SEPTIN7: variants seen among roughly 807,000 people sequenced by gnomAD.
SEPTIN7 encodes the protein septin-7.
In SEPTIN7, 10 loss-of-function variants were observed where a neutral mutation model predicts 63.3. That is an observed-to-expected ratio of 0.16 (90% CI 0.10 to 0.27). The LOEUF is 0.27. SEPTIN7 is among the 10% of genes least tolerant of loss of function. The pLI, the probability that SEPTIN7 is intolerant of heterozygous loss-of-function variation, is 1.00. For synonymous variants in SEPTIN7, 131 were observed against 165.3 expected, an observed-to-expected ratio of 0.79 and a Z score of 1.59; for missense variants, 310 against 521.0, an observed-to-expected ratio of 0.59 and a Z score of 3.94.
intron 12 of SEPTIN7, chr7:35,902,860 T>A: frequency 1.9e-6 from 1 of 534,524 alleles, no homozygotes; most frequent in Non-Finnish European, 2.9e-6. Flanking sequence ...TTTTCCTGTT[T>A]CCCAAGATTA....
At chr7:35,872,489 C>A (rs1465536389) in intron 4 of SEPTIN7, among the ~76,000 whole-genome samples, 177 bp from the exon 5 acceptor site, 1 of 152,134 alleles carries the variant, frequency 6.6e-6, no homozygotes, top group Non-Finnish European at 1.5e-5. Context: ...TTCAAATAAT[C>A]TGGATTTCCA....
chr7:35,855,955 T>C (rs1198970052), intron 3 of SEPTIN7, among the ~76,000 whole-genome samples: 1 of 152,220 alleles, frequency 6.6e-6, no homozygotes, highest in Non-Finnish European at 1.5e-5. Flanking sequence ...TGCTGTTGTT[T>C]CCAAGTTTTT....
chr7:35,900,056 T>C (rs1443843991), intron 12 of SEPTIN7: 1 of 152,214 alleles, frequency 6.6e-6, no homozygotes, highest in Non-Finnish European at 1.5e-5. Context: ...GTTGATCTCA[T>C]TGCTTTTGTA....
At chr7:35,837,254 A>G (rs1784126143) in intron 3 of SEPTIN7, among the ~76,000 whole-genome samples, 1 of 152,188 alleles carries the variant, frequency 6.6e-6, no homozygotes, top group Admixed American at 6.5e-5. Flanking sequence ...AGGAACATTT[A>G]GTATTCTTAT....
intron 12 of SEPTIN7, chr7:35,900,781 T>C (rs1788277847): frequency 6.6e-6 from 1 of 152,204 alleles, no homozygotes; most frequent in South Asian, 2.1e-4. Context: ...TTACTGTGAA[T>C]GGTGAAGACA....
intron 3 of SEPTIN7, among the ~76,000 whole-genome samples, chr7:35,847,588 T>A (rs1278505171): frequency 6.6e-6 from 1 of 152,254 alleles, no homozygotes; most frequent in Non-Finnish European, 1.5e-5. Context: ...ATTTTGTACT[T>A]GCAACTTTTT....
chr7:35,909,272 C>G (rs543858922), downstream of SEPTIN7, among the ~76,000 whole-genome samples: 3 of 152,296 alleles, frequency 2.0e-5, no homozygotes, highest in East Asian at 5.8e-4. Flanking sequence ...TTCCTTAGAC[C>G]TTTTTATTGC....
rs374324182 is a variant in SEPTIN7, at chr7:35,879,278, A to G, written c.513-545A>G. On this transcript the variant is annotated intron_variant, in intron 6 of 13. Coordinates refer to ENST00000350320, the MANE Select transcript of SEPTIN7 (RefSeq NM_001788.6). ...GAGGACTACCATTTTTCATTTTTAA[A>G]AAATCCTCCAGCCTGGGCAACCTGG... is the stretch of plus-strand genomic sequence containing the variant. Among the ~76,000 whole-genome samples the G allele has an allele frequency of 1.1e-4, 16 of 152,184 alleles. No individual in the cohort carries two copies. The South Asian group carries it at 2.9e-3, about 28-fold the overall frequency.
chr7:35,880,223 C>CTTTTTTTTTTTTTTTTTTTTTTTTTTTTT, intron 7 of SEPTIN7, among the ~76,000 whole-genome samples: 43 of 72,782 alleles, frequency 5.9e-4, no homozygotes, highest in African/African-American at 1.3e-3. Context: ...TTTTTCTTTT[C>CTTTTTTTTTTTTTTTTTTTTTTTTTTTTT]TTTTTTTTTT....
At chr7:35,834,660 G>T (rs75144675) in intron 3 of SEPTIN7, among the ~76,000 whole-genome samples, 1,952 of 152,050 alleles carry the variant, frequency 0.013, 58 homozygotes, top group East Asian at 0.12. Flanking sequence ...TTGAGTGCAG[G>T]TATTAAATAT....
At chr7:35,883,553 T>C (rs1787031116) in intron 8 of SEPTIN7, among the ~76,000 whole-genome samples, 1 of 147,836 alleles carries the variant, frequency 6.8e-6, no homozygotes, top group African/African-American at 2.5e-5. Flanking sequence ...CCGCTTTTTT[T>C]CCCCCAAATG....
intron 3 of SEPTIN7, among the ~76,000 whole-genome samples, chr7:35,854,588 T>C (rs1785108299): frequency 1.3e-5 from 2 of 152,338 alleles, no homozygotes; most frequent in South Asian, 2.1e-4. Context: ...GGAGCTGTAG[T>C]TGCCAGCATC....
intron 3 of SEPTIN7, among the ~76,000 whole-genome samples, chr7:35,833,454 A>T (rs926044992): frequency 1.3e-5 from 2 of 151,984 alleles, no homozygotes; most frequent in African/African-American, 4.8e-5. Context: ...TACCCTGCCT[A>T]TAGTCCATTT....
chr7:35,898,113 G>A (rs1348792088), intron 11 of SEPTIN7, 135 bp from the exon 12 acceptor site: 1 of 574,732 alleles, frequency 1.7e-6, no homozygotes, highest in African/African-American at 1.9e-5. Context: ...TATGAAATAT[G>A]GAAAGAAGTT....
chr7:35,846,474 A>G (rs1784672332), intron 3 of SEPTIN7, among the ~76,000 whole-genome samples: 1 of 152,194 alleles, frequency 6.6e-6, no homozygotes, highest in Non-Finnish European at 1.5e-5. Flanking sequence ...TATGTGTCTC[A>G]TCCTTGCCAA....
chr7:35,890,831 C>T (rs1158432061), intron 11 of SEPTIN7, 38 bp downstream of exon 11: 4 of 1,411,964 alleles, frequency 2.8e-6, no homozygotes, highest in Non-Finnish European at 3.7e-6. Context: ...GGTATTATTT[C>T]TGTAGTCAAT....
At chr7:35,915,521 G>A in the SEPTIN7 span, among the ~76,000 whole-genome samples, 1 of 152,150 alleles carries the variant, frequency 6.6e-6, no homozygotes, top group Non-Finnish European at 1.5e-5. Context: ...CTCTGTTAAT[G>A]TTACGAAATT....
At chr7:35,801,914 C>T (rs1432139974) in intron 1 of SEPTIN7, among the ~76,000 whole-genome samples, 3 of 152,290 alleles carry the variant, frequency 2.0e-5, no homozygotes, top group African/African-American at 7.2e-5. Context: ...CTCGGGGTTG[C>T]CTCTCTCCAG....
At chr7:35,814,976 A>C (rs533291003) in intron 1 of SEPTIN7, among the ~76,000 whole-genome samples, 32 of 141,750 alleles carry the variant, frequency 2.3e-4, no homozygotes, top group Admixed American at 1.7e-3. Context: ...CTCCTTCTCA[A>C]AAAAAAAAAA....
Sources: gnomAD v4.1 joint callset for allele counts (sites outside exome capture counted in the v4.1 genomes callset) on GRCh38, gnomAD v4.1.1 for gene constraint, MANE v1.5 for transcripts, NCBI Gene and HGNC (gene_info 2026-07-23, HGNC 2026-07-21) for gene names.